Variants in CNTN5 observed in about 807,000 individuals in gnomAD.
The protein encoded by CNTN5 is contactin-5.
CNTN5 carries 77 observed loss-of-function variants against 129.1 expected under a neutral mutation model. The ratio of observed to expected loss-of-function variants is 0.60; its 90% confidence interval spans 0.50 to 0.72. The LOEUF (loss-of-function observed/expected upper bound fraction) is 0.72. Among genes scored for constraint, CNTN5 ranks in the 30% least tolerant of loss-of-function variants. The pLI is 0.00. For synonymous variants in CNTN5, 509 were observed against 465.6 expected, an observed-to-expected ratio of 1.09 and a Z score of -1.20; for missense variants, 1,478 against 1,328.8, an observed-to-expected ratio of 1.11 and a Z score of -1.75.
Position 100,358,737 on chromosome 11 carries a change from C to G in CNTN5, c.*2517C>G, listed in dbSNP as rs1268157687. 1 of 151,794 alleles carries G rather than the reference C, an allele frequency of 6.6e-6. No individual in the cohort carries two copies. The highest frequency in any genetic ancestry group is 2.4e-5 in the African/African-American group (1 of 41,370). 9.4% of individuals were successfully genotyped at this position (151,794 alleles called of 1,614,324 possible). ...AATGAAGGTACTGTGGACCCCATGTCAAACTGTTAAATATATTGTGTACGA... is the reference window on the plus strand; with the variant it reads ...AATGAAGGTACTGTGGACCCCATGTGAAACTGTTAAATATATTGTGTACGA... On this transcript the variant is annotated 3_prime_UTR_variant, in exon 25 of 25. Coordinates refer to ENST00000524871, the MANE Select transcript of CNTN5 (RefSeq NM_014361.4).
intron 2 of CNTN5, among the ~76,000 whole-genome samples, chr11:99,472,361 A>T (rs559024883): frequency 1.3e-5 from 2 of 151,724 alleles, no homozygotes; most frequent in Non-Finnish European, 2.9e-5. Context: ...TCATCTTTGT[A>T]CCTTCTTTTC....
chr11:100,071,528 T>C (rs757242838), intron 11 of CNTN5, among the ~76,000 whole-genome samples, 177 bp from the exon 12 acceptor site: 13 of 152,180 alleles, frequency 8.5e-5, no homozygotes, highest in African/African-American at 1.7e-4. Flanking sequence ...ATAACTATAA[T>C]TTACAAGTGG....
chr11:99,806,557 C>G (rs1946276366), intron 3 of CNTN5, among the ~76,000 whole-genome samples: 1 of 151,902 alleles, frequency 6.6e-6, no homozygotes, highest in African/African-American at 2.4e-5. Flanking sequence ...GGCTGTAATC[C>G]TAGCACCCTG....
chr11:99,396,214 A>G (rs1941516837), intron 2 of CNTN5, among the ~76,000 whole-genome samples: 2 of 151,306 alleles, frequency 1.3e-5, no homozygotes, highest in African/African-American at 4.8e-5. Flanking sequence ...CAATGAGATA[A>G]TTTTCAAAGT....
chr11:99,183,601 G>A (rs1164203008), intron 1 of CNTN5, among the ~76,000 whole-genome samples: 10 of 152,088 alleles, frequency 6.6e-5, no homozygotes, highest in Non-Finnish European at 1.2e-4. Context: ...TGGCAAAATT[G>A]TCTTCTCTTA....
intron 10 of CNTN5, among the ~76,000 whole-genome samples, chr11:100,061,966 A>G (rs985857501): frequency 1.3e-5 from 2 of 152,248 alleles, no homozygotes; most frequent in Middle Eastern, 3.2e-3. Flanking sequence ...TGTATGATAA[A>G]TAGCCCCTAC....
chr11:99,470,035 A>G (rs1032761092), intron 2 of CNTN5, among the ~76,000 whole-genome samples: 1 of 152,166 alleles, frequency 6.6e-6, no homozygotes, highest in Non-Finnish European at 1.5e-5. Context: ...CCTGTCCAAG[A>G]CAGCACATCC....
At position 100,075,761 on chromosome 11, in the gene CNTN5, G is replaced by A. The variant is rs116842979; in HGVS notation, c.1580+1467G>A. ...TCTAGGTTTTATAGTTTGCTTTGAC[G>A]AAGGGAAGTTATAGTTTCTATGATC... is the stretch of plus-strand genomic sequence containing the variant. On this transcript the variant is annotated intron_variant, in intron 13 of 24. Transcript: ENST00000524871. Among the ~76,000 whole-genome samples the A allele has an allele frequency of 8.2e-3, 1,252 of 152,258 alleles. 7 individuals are homozygous for A. Among genetic ancestry groups the A allele is most frequent in the Non-Finnish European group, 0.013 (874 of 68,012 alleles).
rs1355577 is a variant in CNTN5, at chr11:99,608,713, A to G, written c.55+52444A>G. Among the ~76,000 whole-genome samples the G allele has an allele frequency of 5.3e-3, 801 of 152,198 alleles. 12 individuals carry two copies. Among genetic ancestry groups the G allele is most frequent in the Non-Finnish European group, 6.0e-3 (409 of 68,014 alleles). ...AAACTTGTGTTGCTTAAGCCACTCT[A>G]TTTGTGGTCCTTCATTACACTAGCC... On this transcript the variant is annotated intron_variant, in intron 3 of 24. Coordinates refer to ENST00000524871, the MANE Select transcript of CNTN5 (RefSeq NM_014361.4).
chr11:100,009,727 G>A (rs140851886), intron 9 of CNTN5, among the ~76,000 whole-genome samples: 1 of 152,142 alleles, frequency 6.6e-6, no homozygotes, highest in African/African-American at 2.4e-5. Flanking sequence ...ATGCCCATTT[G>A]TCTTCTAATG....
chr11:99,084,045 T>G (rs1865906392), intron 1 of CNTN5, among the ~76,000 whole-genome samples: 1 of 152,222 alleles, frequency 6.6e-6, no homozygotes, highest in Admixed American at 6.5e-5. Context: ...CTTCAGTTAT[T>G]ATTTGAGTGC....
chr11:99,082,081 A>G (rs1309305833), intron 1 of CNTN5, among the ~76,000 whole-genome samples: 1 of 151,644 alleles, frequency 6.6e-6, no homozygotes, highest in Non-Finnish European at 1.5e-5. Flanking sequence ...GTGATGTATT[A>G]TGGTGGAGTA....
At chr11:99,124,400 G>C (rs746878531) in intron 1 of CNTN5, among the ~76,000 whole-genome samples, 4 of 152,084 alleles carry the variant, frequency 2.6e-5, no homozygotes, top group African/African-American at 4.8e-5. Context: ...CTTTGCTAAA[G>C]TTGTTGGTAA....
rs869133131 is a variant in CNTN5 at position 99,637,010 on chromosome 11, C to CAAAAAAAAAAAAAAAA, written c.55+80757_55+80772dup. 4.5e-3 allele frequency among the ~76,000 whole-genome samples: 35 copies of CAAAAAAAAAAAAAAAA among 7,820 alleles called. 5 individuals carry two copies. Among genetic ancestry groups the CAAAAAAAAAAAAAAAA allele is most frequent in the Non-Finnish European group, 6.8e-3 (20 of 2,952 alleles). 5.1% of individuals were successfully genotyped at this position (7,820 alleles called of 152,430 possible). Reference sequence around the variant, plus strand: ...CCTGGTGACAGAGCTAACTTTGTCTCAAAAAAAAAAAAAAAAAAAAAAAAA... The same window carrying CAAAAAAAAAAAAAAAA: ...CCTGGTGACAGAGCTAACTTTGTCTCAAAAAAAAAAAAAAAAAAAAAAAAAAAAAAAAAAAAAAAAA... On this transcript the variant is annotated intron_variant, in intron 3 of 24. Coordinates refer to ENST00000524871, the MANE Select transcript of CNTN5 (RefSeq NM_014361.4).
chr11:99,200,110 G>C (rs955221917), intron 1 of CNTN5, among the ~76,000 whole-genome samples: 4 of 151,996 alleles, frequency 2.6e-5, no homozygotes, highest in Non-Finnish European at 5.9e-5. Flanking sequence ...TTTTCCTTGA[G>C]AGTTGATCAT....
At chr11:99,656,941 T>C (rs1340039839) in intron 3 of CNTN5, among the ~76,000 whole-genome samples, 1 of 76,212 alleles carries the variant, frequency 1.3e-5, no homozygotes, top group Admixed American at 1.8e-4. Context: ...AACCCAGACA[T>C]TTTGAAAAAA....
intron 21 of CNTN5, among the ~76,000 whole-genome samples, chr11:100,323,642 C>CG (rs201476179): frequency 0.038 from 5,062 of 134,520 alleles, 282 homozygotes; most frequent in African/African-American, 0.14. Context: ...CTCCTCCCCC[C>CG]CCCTTCTTTT....
chr11:99,025,846 GTTATAC>G (rs1360834857), intron 1 of CNTN5, among the ~76,000 whole-genome samples: 1 of 151,528 alleles, frequency 6.6e-6, no homozygotes, highest in Non-Finnish European at 1.5e-5. Flanking sequence ...AATAATTAAT[GTTATAC>G]TTAGAAGTAT....
intron 3 of CNTN5, among the ~76,000 whole-genome samples, chr11:99,640,878 A>C (rs1397231874): frequency 1.3e-5 from 2 of 152,204 alleles, no homozygotes; most frequent in East Asian, 3.9e-4. Flanking sequence ...AGTGTCAGCT[A>C]TTTCTGTAAA....
Sources: allele counts gnomAD v4.1 joint callset (sites outside exome capture counted in the v4.1 genomes callset), GRCh38; gene constraint gnomAD v4.1.1; transcripts MANE v1.5; gene names NCBI Gene and HGNC (gene_info 2026-07-23, HGNC 2026-07-21).